The following RPS6KA2 variants were observed in gnomAD, a reference collection of about 807,000 sequenced individuals.
The protein encoded by RPS6KA2 is ribosomal protein S6 kinase alpha-2.
RPS6KA2 carries 42 observed loss-of-function variants against 91.8 expected under a neutral mutation model. The observed-to-expected ratio is 0.46, with a 90% confidence interval of 0.36 to 0.59. RPS6KA2 has a LOEUF of 0.59. Ranked by LOEUF, RPS6KA2 falls within the 20% of genes least tolerant of loss-of-function variation. The pLI is 0.00. For synonymous variants in RPS6KA2, 414 were observed against 393.6 expected, an observed-to-expected ratio of 1.05 and a Z score of -0.61; for missense variants, 798 against 978.5, an observed-to-expected ratio of 0.82 and a Z score of 2.46.
chr6:166,627,246 G>T lies in RPS6KA2; in HGVS notation c.-227C>A. ...CTCCGCCTCCTTCTCCGCCTCCCCT[G>T]CGAGTACCAGCGCCGGCCACGCGCC... On this transcript the variant is annotated 5_prime_UTR_variant, in exon 1 of 21. Transcript: ENST00000265678. The T allele has an allele frequency of 9.8e-7, 1 of 1,015,414 alleles. No homozygotes were observed. Among genetic ancestry groups the T allele is most frequent in the Non-Finnish European group, 1.2e-6 (1 of 850,104 alleles). 62.9% of individuals were successfully genotyped at this position (1,015,414 alleles called of 1,614,324 possible). A position where few individuals can be genotyped will look rare whatever the true frequency, so the allele number is the denominator to read the frequency against.
chr6:166,457,445 G>A (rs1780139935), intron 12 of RPS6KA2, among the ~76,000 whole-genome samples: 1 of 151,996 alleles, frequency 6.6e-6, no homozygotes, highest in Admixed American at 6.5e-5. Context: ...ATGGGGTGAG[G>A]TGAAAATCCC....
chr6:166,787,781 A>G (rs140617491), intron 2 of RPS6KA2, among the ~76,000 whole-genome samples: 1,702 of 152,294 alleles, frequency 0.011, 30 homozygotes, highest in African/African-American at 0.036. Flanking sequence ...CTTCATGACT[A>G]AAACACCAAA....
At chr6:166,660,607 C>T (rs945004396) in intron 2 of RPS6KA2, among the ~76,000 whole-genome samples, 3 of 152,140 alleles carry the variant, frequency 2.0e-5, no homozygotes, top group Admixed American at 1.3e-4. Context: ...TAATTACCTA[C>T]ACAATTAATA....
chr6:166,560,598 C>A (rs1038198800), intron 1 of RPS6KA2, among the ~76,000 whole-genome samples: 1 of 152,122 alleles, frequency 6.6e-6, no homozygotes, highest in Non-Finnish European at 1.5e-5. Flanking sequence ...ACAAAACACA[C>A]ACCCATTGTG....
chr6:166,432,292 G>A, intron 15 of RPS6KA2, 109 bp downstream of exon 15: 1 of 727,396 alleles, frequency 1.4e-6, no homozygotes, highest in East Asian at 2.7e-5. Context: ...GTGGAAACCA[G>A]CTGAGACAGG....
intron 2 of RPS6KA2, among the ~76,000 whole-genome samples, chr6:166,768,267 C>T (rs1369149627): frequency 6.6e-6 from 1 of 152,190 alleles, no homozygotes; most frequent in Non-Finnish European, 1.5e-5. Flanking sequence ...GAACTGGAAC[C>T]TCCTTTGTGT....
chr6:166,789,611 C>T (rs917135524), intron 2 of RPS6KA2, among the ~76,000 whole-genome samples: 1 of 152,228 alleles, frequency 6.6e-6, no homozygotes, highest in Non-Finnish European at 1.5e-5. Context: ...GGAGACACCC[C>T]CCAGTAGGGG....
intron 2 of RPS6KA2, among the ~76,000 whole-genome samples, chr6:166,645,727 A>T (rs1216088666): frequency 6.6e-6 from 1 of 152,282 alleles, no homozygotes; most frequent in Non-Finnish European, 1.5e-5. Context: ...TTCTTGGCAC[A>T]TAAGAATTCA....
chr6:166,812,217 A>G (rs1779654644), intron 2 of RPS6KA2, among the ~76,000 whole-genome samples: 1 of 152,188 alleles, frequency 6.6e-6, no homozygotes, highest in African/African-American at 2.4e-5. Context: ...TTAGCCGGGA[A>G]TGGTGGTGGG....
chr6:166,694,919 T>C (rs533609469), intron 2 of RPS6KA2, among the ~76,000 whole-genome samples: 1 of 152,380 alleles, frequency 6.6e-6, no homozygotes, highest in South Asian at 2.1e-4. Flanking sequence ...ATGTGATCCA[T>C]ATGCTATTTG....
intron 2 of RPS6KA2, among the ~76,000 whole-genome samples, chr6:166,804,793 G>A (rs956684633): frequency 6.6e-6 from 1 of 152,072 alleles, no homozygotes; most frequent in South Asian, 2.1e-4. Flanking sequence ...GAACACAAAT[G>A]ATCTGTGTAA....
At chr6:166,462,047 A>G (rs11961545) in intron 11 of RPS6KA2, among the ~76,000 whole-genome samples, 15,690 of 152,250 alleles carry the variant, frequency 0.1, 1,815 homozygotes, top group African/African-American at 0.29. Flanking sequence ...CCAGCCACCC[A>G]TAACAGCCCC....
intron 2 of RPS6KA2, among the ~76,000 whole-genome samples, chr6:166,766,551 A>G (rs1778315798): frequency 1.3e-5 from 2 of 152,226 alleles, no homozygotes; most frequent in African/African-American, 4.8e-5. Flanking sequence ...GAGGTGGGCT[A>G]TAGCTGAATA....
At position 166,459,788 on chromosome 6, in the gene RPS6KA2, T is replaced by C. The variant is rs1198871647; in HGVS notation, c.973-237A>G. Among the ~76,000 whole-genome samples, 3 of 152,250 alleles carry C rather than the reference T, an allele frequency of 2.0e-5. No individual in the cohort carries two copies. Among genetic ancestry groups the C allele is most frequent in the Admixed American group, 2.0e-4 (3 of 15,282 alleles). On this transcript the variant is annotated intron_variant, in intron 11 of 20. Coordinates refer to ENST00000265678, the MANE Select transcript of RPS6KA2 (RefSeq NM_021135.6). The surrounding 1 kb of genome is among the most constrained non-coding windows in gnomAD (Gnocchi z 4.9). Reference sequence around the variant, plus strand: ...AATAACGATGTATTATAGAAAGGTATAGAAAAGGCATAGTTTGAGGTATGA... The same window carrying C: ...AATAACGATGTATTATAGAAAGGTACAGAAAAGGCATAGTTTGAGGTATGA...
At chr6:166,589,317 TAAAG>T (rs1785283709) in intron 1 of RPS6KA2, among the ~76,000 whole-genome samples, 2 of 152,134 alleles carry the variant, frequency 1.3e-5, no homozygotes, top group African/African-American at 4.8e-5. Flanking sequence ...CATTTTCACA[TAAAG>T]AAAGAAAAAG....
intron 2 of RPS6KA2, among the ~76,000 whole-genome samples, chr6:166,649,732 C>G (rs2128553855): frequency 6.6e-6 from 1 of 152,334 alleles, no homozygotes; most frequent in East Asian, 1.9e-4. Flanking sequence ...ACCCAGTGAG[C>G]TGAAGAAAAA....
In RPS6KA2 at chr6:166,690,330, G is replaced by A. The variant is rs528609820; in HGVS notation, c.124-151546C>T. 3.3e-5 allele frequency among the ~76,000 whole-genome samples: 5 copies of A among 152,156 alleles called. No homozygotes were observed. In the South Asian group the frequency reaches 8.3e-4, roughly 25 times the overall value. On this transcript the variant is annotated intron_variant, in intron 2 of 21. Transcript: ENST00000503859. ...GACCTGTTCATTCCACACCATCAGG[G>A]CTAAACTGGTCTATTCCTTGACAGA...
intron 8 of RPS6KA2, among the ~76,000 whole-genome samples, chr6:166,496,400 A>AAT (rs2128476125): frequency 6.6e-6 from 1 of 151,912 alleles, no homozygotes; most frequent in South Asian, 2.1e-4. Context: ...AAAAAAATTA[A>AAT]ATATATATTT....
chr6:166,717,997 C>T (rs1004152987), intron 2 of RPS6KA2, among the ~76,000 whole-genome samples: 5 of 151,968 alleles, frequency 3.3e-5, no homozygotes, highest in African/African-American at 9.7e-5. Flanking sequence ...TACAGGTGCC[C>T]GCTACCACGC....
Sources: gnomAD v4.1 joint callset for allele counts (sites outside exome capture counted in the v4.1 genomes callset) on GRCh38, gnomAD v4.1.1 for gene constraint, Gnocchi (gnomAD v3.1) non-coding constraint, MANE v1.5 for transcripts, NCBI Gene and HGNC (gene_info 2026-07-23, HGNC 2026-07-21) for gene names.